The following BMP6 variants were observed in gnomAD, a reference collection of about 807,000 sequenced individuals.
The protein encoded by BMP6 is VG-1-R.
In BMP6, 17 loss-of-function variants were observed where a neutral mutation model predicts 54.1. That is an observed-to-expected ratio of 0.31 (90% CI 0.22 to 0.47). BMP6 has a LOEUF of 0.47. Among genes scored for constraint, BMP6 ranks in the 20% least tolerant of loss-of-function variants. BMP6 has a pLI of 1.00. For missense variants in BMP6, 720 were observed against 690.4 expected, an observed-to-expected ratio of 1.04 and a Z score of -0.48; for synonymous variants, 328 against 291.2, an observed-to-expected ratio of 1.13 and a Z score of -1.28.
At chr6:7,763,536 G>A (rs1283417652) in intron 1 of BMP6, among the ~76,000 whole-genome samples, 3 of 152,144 alleles carry the variant, frequency 2.0e-5, no homozygotes, top group Admixed American at 2.0e-4. Flanking sequence ...AGAGGCTGGC[G>A]GGTTTCATGC....
chr6:7,759,019 C>T (rs963271014), intron 1 of BMP6, among the ~76,000 whole-genome samples: 2 of 152,202 alleles, frequency 1.3e-5, no homozygotes, highest in Non-Finnish European at 2.9e-5. Flanking sequence ...TTGTTTATAT[C>T]TTCAATGTCC....
intron 2 of BMP6, among the ~76,000 whole-genome samples, chr6:7,857,334 T>C (rs1412984413): frequency 1.3e-5 from 2 of 152,246 alleles, no homozygotes; most frequent in Non-Finnish European, 2.9e-5. Context: ...TATCACGCTC[T>C]GAGGTTGGAA....
chr6:7,739,826 C>G (rs374511491), intron 1 of BMP6, among the ~76,000 whole-genome samples: 13 of 152,292 alleles, frequency 8.5e-5, no homozygotes, highest in South Asian at 4.2e-4. Context: ...ATCCTCCTTT[C>G]CAAAAGCCTT....
intron 1 of BMP6, among the ~76,000 whole-genome samples, chr6:7,745,112 A>G (rs879537070): frequency 3.3e-5 from 5 of 152,200 alleles, no homozygotes; most frequent in Admixed American, 3.3e-4. Context: ...AACTCTGTTC[A>G]TTGTTTTAAT....
intron 4 of BMP6, among the ~76,000 whole-genome samples, chr6:7,871,463 T>C (rs1759523305): frequency 6.6e-6 from 1 of 152,184 alleles, no homozygotes; most frequent in African/African-American, 2.4e-5. Flanking sequence ...GGGGGGGCTT[T>C]TATGATTGTT....
At chr6:7,871,382 G>A (rs1376580077) in intron 4 of BMP6, among the ~76,000 whole-genome samples, 2 of 152,238 alleles carry the variant, frequency 1.3e-5, no homozygotes, top group African/African-American at 4.8e-5. Flanking sequence ...AATCTTTGGT[G>A]AGAGGAATGT....
intron 1 of BMP6, among the ~76,000 whole-genome samples, chr6:7,741,440 C>T (rs1032001145): frequency 1.3e-5 from 2 of 151,018 alleles, no homozygotes; most frequent in Non-Finnish European, 3.0e-5. Context: ...GACTACTAGG[C>T]GTGTACCACC....
In BMP6 at chr6:7,881,524, A is replaced by T. The variant is rs1759734838; in HGVS notation, c.*1181A>T. 2 of 152,302 alleles carry T rather than the reference A, an allele frequency of 1.3e-5. No homozygotes were observed. The highest frequency in any genetic ancestry group is 2.9e-5 in the Non-Finnish European group (2 of 67,972). The allele number at this position is 152,302 out of a possible 1,614,324, so 9.4% of individuals were successfully genotyped here. On this transcript the variant is annotated 3_prime_UTR_variant, in exon 7 of 7. Transcript: ENST00000283147. ...TTGAAGGAAAGACCAGACTTTTAAAAAAAAAGAGTTTATTTAGAAAGTATC... is the reference window on the plus strand; with the variant it reads ...TTGAAGGAAAGACCAGACTTTTAAATAAAAAGAGTTTATTTAGAAAGTATC...
chr6:7,757,776 A>G (rs115214322), intron 1 of BMP6, among the ~76,000 whole-genome samples: 1,563 of 152,296 alleles, frequency 0.01, 21 homozygotes, highest in African/African-American at 0.036. Flanking sequence ...GTTCTTTCAT[A>G]ATTATACAAT....
intron 2 of BMP6, among the ~76,000 whole-genome samples, chr6:7,845,995 T>C (rs1374675020): frequency 6.6e-6 from 1 of 152,152 alleles, no homozygotes; most frequent in Non-Finnish European, 1.5e-5. Context: ...AGTTTTATAG[T>C]CGTTAGTACA....
intron 1 of BMP6, among the ~76,000 whole-genome samples, chr6:7,778,283 C>T (rs1047958220): frequency 3.3e-5 from 5 of 152,228 alleles, no homozygotes; most frequent in Admixed American, 2.0e-4. Context: ...ATATTACTAA[C>T]AGCTCACATG....
At chr6:7,792,399 T>G (rs933792000) in intron 1 of BMP6, among the ~76,000 whole-genome samples, 7 of 152,210 alleles carry the variant, frequency 4.6e-5, no homozygotes, top group African/African-American at 1.7e-4. Context: ...CAGTTCTCCC[T>G]CTGGGTGGAT....
rs557832712 is a variant in BMP6 at position 7,856,921 on chromosome 6, G to A, written c.858-4530G>A. Among the ~76,000 whole-genome samples, 13 of 152,282 alleles carry A rather than the reference G, an allele frequency of 8.5e-5. No homozygotes were observed. In the East Asian group the frequency reaches 2.1e-3, roughly 25 times the overall value. On this transcript the variant is annotated intron_variant, in intron 2 of 6. Coordinates refer to ENST00000283147, the MANE Select transcript of BMP6 (RefSeq NM_001718.6). ...TCAAGAGCATTTTTCTATCAAAATG[G>A]TTAGTAGTAAACACTGTTGTACTTT...
chr6:7,853,666 C>G lies in BMP6; in HGVS notation c.858-7785C>G, dbSNP rs78828416. Among the ~76,000 whole-genome samples the G allele has an allele frequency of 2.0e-3, 297 of 152,294 alleles. 3 individuals are homozygous for G. The highest frequency in any genetic ancestry group is 6.8e-3 in the African/African-American group (283 of 41,568). Reference sequence around the variant, plus strand: ...TGCCCAGCCACACCTTTTTCTCTTTCTGTGTCTGGCTTTCACAGGCATGAT... The same window carrying G: ...TGCCCAGCCACACCTTTTTCTCTTTGTGTGTCTGGCTTTCACAGGCATGAT... On this transcript the variant is annotated intron_variant, in intron 2 of 6. Transcript: ENST00000283147.
intron 1 of BMP6, among the ~76,000 whole-genome samples, chr6:7,740,501 G>C (rs894418076): frequency 6.6e-6 from 1 of 152,116 alleles, no homozygotes; most frequent in Non-Finnish European, 1.5e-5. Flanking sequence ...TTAATCATTA[G>C]ATTCCATTTG....
chr6:7,872,814 CTTTT>C (rs55666956), intron 4 of BMP6, among the ~76,000 whole-genome samples: 3 of 133,830 alleles, frequency 2.2e-5, no homozygotes, highest in Non-Finnish European at 3.1e-5. Flanking sequence ...CTTTTTTTTT[CTTTT>C]TTTTTTTTTT....
chr6:7,812,818 C>T (rs1450929370), intron 1 of BMP6, among the ~76,000 whole-genome samples: 1 of 151,590 alleles, frequency 6.6e-6, no homozygotes, highest in Non-Finnish European at 1.5e-5. Flanking sequence ...CTGAAAGTGC[C>T]GTGGTGACCT....
At chr6:7,850,352 G>A (rs1184441334) in intron 2 of BMP6, among the ~76,000 whole-genome samples, 1 of 152,106 alleles carries the variant, frequency 6.6e-6, no homozygotes, top group Non-Finnish European at 1.5e-5. Context: ...TGAAGTTAAA[G>A]CTACATATAA....
At chr6:7,768,607 A>G (rs1431934999) in intron 1 of BMP6, among the ~76,000 whole-genome samples, 1 of 152,114 alleles carries the variant, frequency 6.6e-6, no homozygotes, top group African/African-American at 2.4e-5. Flanking sequence ...TGTGTTCACC[A>G]TTCTTATTTT....
Sources: gnomAD v4.1 joint callset for allele counts (sites outside exome capture counted in the v4.1 genomes callset) on GRCh38, gnomAD v4.1.1 for gene constraint, MANE v1.5 for transcripts, NCBI Gene and HGNC (gene_info 2026-07-23, HGNC 2026-07-21) for gene names.